KANSL1L: variants seen among roughly 807,000 people sequenced by gnomAD.
KANSL1L encodes the protein KAT8 regulatory NSL complex subunit 1-like protein.
KANSL1L carries 25 observed loss-of-function variants against 108.6 expected under a neutral mutation model. The observed-to-expected ratio is 0.23, with a 90% CI of 0.17 to 0.32. The LOEUF (loss-of-function observed/expected upper bound fraction) is 0.32. Ranked by LOEUF, KANSL1L falls within the 10% of genes least tolerant of loss-of-function variation. KANSL1L has a pLI of 1.00. For synonymous variants in KANSL1L, 405 were observed against 395.1 expected (o/e 1.03, Z -0.30); for missense variants, 1,137 against 1,125.7 (o/e 1.01, Z -0.14).
At chr2:210,138,543 GT>G (rs1490894279) in intron 2 of KANSL1L, among the ~76,000 whole-genome samples, 1 of 152,088 alleles carries the variant, frequency 6.6e-6, no homozygotes, top group African/African-American at 2.4e-5. Flanking sequence ...TATTTGCAGT[GT>G]TTAGATTTGT....
intron 7 of KANSL1L, 41 bp from the exon 8 acceptor site, chr2:210,040,568 C>G (rs1371402754): frequency 1.2e-6 from 1 of 822,996 alleles, no homozygotes; most frequent in Admixed American, 2.6e-5. Flanking sequence ...AAATACCACT[C>G]TTTGTAATAC....
At chr2:210,112,166 C>T (rs2094912619) in intron 3 of KANSL1L, among the ~76,000 whole-genome samples, 1 of 152,140 alleles carries the variant, frequency 6.6e-6, no homozygotes, top group South Asian at 2.1e-4. Flanking sequence ...CAAGTCTTTG[C>T]TATTGTGAAT....
At chr2:210,165,176 T>TA (rs200062505) in intron 1 of KANSL1L, among the ~76,000 whole-genome samples, 139 of 141,172 alleles carry the variant, frequency 9.8e-4, no homozygotes, top group African/African-American at 1.3e-3. Context: ...CCAATTTTAC[T>TA]AAAAAAAAAA....
At chr2:210,052,152 TAC>T (rs2094300351) in intron 6 of KANSL1L, among the ~76,000 whole-genome samples, 1 of 151,920 alleles carries the variant, frequency 6.6e-6, no homozygotes. Context: ...TAGAGGTGGA[TAC>T]CACCATACCT....
intron 6 of KANSL1L, among the ~76,000 whole-genome samples, chr2:210,058,681 T>A (rs566519654): frequency 5.3e-5 from 8 of 151,782 alleles, no homozygotes; most frequent in Admixed American, 3.3e-4. Context: ...AAAATATTTT[T>A]AAAAAATTAG....
intron 2 of KANSL1L, among the ~76,000 whole-genome samples, chr2:210,143,363 C>T (rs2095243456): frequency 1.3e-5 from 2 of 151,972 alleles, no homozygotes; most frequent in African/African-American, 4.8e-5. Context: ...TCACAGGGCA[C>T]ATACAGCTAG....
intron 3 of KANSL1L, among the ~76,000 whole-genome samples, chr2:210,126,157 A>G (rs993649576): frequency 3.9e-5 from 6 of 152,218 alleles, no homozygotes; most frequent in Non-Finnish European, 7.3e-5. Flanking sequence ...TGCGTTTTTT[A>G]TACACCAACA....
chr2:210,027,210 T>C (rs1038259444), intron 12 of KANSL1L, 86 bp downstream of exon 12: 37 of 869,568 alleles, frequency 4.3e-5, no homozygotes, highest in Middle Eastern at 2.4e-4. Context: ...AGGGCTTATA[T>C]ATTCCTTTAG....
At chr2:210,164,360 T>G (rs1203891225) in intron 1 of KANSL1L, among the ~76,000 whole-genome samples, 1 of 152,196 alleles carries the variant, frequency 6.6e-6, no homozygotes, top group Non-Finnish European at 1.5e-5. Context: ...CAAATAGCTT[T>G]CTAAAAAGCA....
At chr2:210,105,670 T>G (rs2094840392) in intron 3 of KANSL1L, among the ~76,000 whole-genome samples, 1 of 151,846 alleles carries the variant, frequency 6.6e-6, no homozygotes, top group Admixed American at 6.6e-5. Context: ...ATGCACATAT[T>G]CAGTTATGGT....
intron 8 of KANSL1L, chr2:210,035,085 A>G (rs1299352226): frequency 6.6e-6 from 1 of 152,204 alleles, no homozygotes; most frequent in Non-Finnish European, 1.5e-5. Context: ...TAGCTAATCT[A>G]TAGACCTTAT....
chr2:210,038,822 A>G (rs1299285102), intron 8 of KANSL1L, among the ~76,000 whole-genome samples: 2 of 151,930 alleles, frequency 1.3e-5, no homozygotes, highest in Non-Finnish European at 2.9e-5. Flanking sequence ...TTATTACTCA[A>G]CTGTAATTTG....
chr2:210,115,083 G>A (rs988623800), intron 3 of KANSL1L, among the ~76,000 whole-genome samples: 1 of 151,984 alleles, frequency 6.6e-6, no homozygotes, highest in Non-Finnish European at 1.5e-5. Flanking sequence ...ACAGAAGTAA[G>A]TCTATCCTTT....
intron 2 of KANSL1L, among the ~76,000 whole-genome samples, chr2:210,149,655 CTGAT>C (rs2095288692): frequency 1.3e-5 from 2 of 151,730 alleles, no homozygotes; most frequent in East Asian, 3.9e-4. Flanking sequence ...TAAGATAGAA[CTGAT>C]TAATTCTAAT....
chr2:210,170,008 T>A (rs1330105060), intron 1 of KANSL1L, among the ~76,000 whole-genome samples: 1 of 152,166 alleles, frequency 6.6e-6, no homozygotes, highest in Non-Finnish European at 1.5e-5. Context: ...AAGTTTGACA[T>A]CAGAGAGGTG....
intron 2 of KANSL1L, among the ~76,000 whole-genome samples, chr2:210,149,101 A>G (rs925995693): frequency 6.6e-6 from 1 of 152,136 alleles, no homozygotes; most frequent in African/African-American, 2.4e-5. Flanking sequence ...AATATTAGAA[A>G]CAAAGGAAGG....
chr2:210,105,201 C>G (rs901365647), intron 3 of KANSL1L, among the ~76,000 whole-genome samples: 3 of 151,410 alleles, frequency 2.0e-5, no homozygotes, highest in Non-Finnish European at 2.9e-5. Flanking sequence ...AAATTTCTTT[C>G]CTTCCTATCT....
chr2:210,107,895 G>A (rs1206066369), intron 3 of KANSL1L, among the ~76,000 whole-genome samples: 1 of 152,118 alleles, frequency 6.6e-6, no homozygotes, highest in Non-Finnish European at 1.5e-5. Context: ...GGCAAATGAT[G>A]TGTTTTCTGA....
At chr2:210,026,963 G>A (rs1282836064) in intron 12 of KANSL1L, among the ~76,000 whole-genome samples, 1 of 152,094 alleles carries the variant, frequency 6.6e-6, no homozygotes, top group Non-Finnish European at 1.5e-5. Flanking sequence ...AGTAGAGACG[G>A]GGTTTCACCG....
Sources: gnomAD v4.1 joint callset for allele counts (sites outside exome capture counted in the v4.1 genomes callset) on GRCh38, gnomAD v4.1.1 for gene constraint, MANE v1.5 for transcripts, NCBI Gene and HGNC (gene_info 2026-07-23, HGNC 2026-07-21) for gene names.